The following ARF3 variants were observed in gnomAD, a reference collection of about 807,000 sequenced individuals.
ARF3 encodes ARF GTPase 3, also known as ADP-ribosylation factor 3.
In ARF3, 5 loss-of-function variants were observed where a neutral mutation model predicts 19.3. The ratio of observed to expected loss-of-function variants is 0.26; its 90% CI spans 0.14 to 0.54. ARF3 has a LOEUF of 0.54. Among genes scored for constraint, ARF3 ranks in the 20% least tolerant of loss-of-function variants. The pLI is 0.95. For synonymous variants in ARF3, 71 were observed against 89.2 expected (o/e 0.80, Z 1.15); for missense variants, 77 against 234.2 (o/e 0.33, Z 4.38).
At position 48,946,345 on chromosome 12, in the gene ARF3, A is replaced by C. The variant is rs184325170; in HGVS notation, c.-93-5157T>G. Among the ~76,000 whole-genome samples, 421 of 152,314 alleles carry C rather than the reference A, an allele frequency of 2.8e-3. 3 individuals carry two copies. Among genetic ancestry groups the C allele is most frequent in the African/African-American group, 9.4e-3 (392 of 41,578 alleles). ...TAGGAAGCAGAATGGCAAAGCAAAC[A>C]AACCATGAATTGTTTCTCCATGTAT... On this transcript the variant is annotated intron_variant, in intron 1 of 4. Transcript: ENST00000256682.
chr12:48,942,844 C>T (rs1592240031), intron 1 of ARF3, among the ~76,000 whole-genome samples: 2 of 152,150 alleles, frequency 1.3e-5, no homozygotes, highest in African/African-American at 2.4e-5. Flanking sequence ...CAGTGGCTCA[C>T]GCCTGTAATC....
rs758240014 is a variant in ARF3 at position 48,939,082 on chromosome 12, A to C, written c.411T>G (p.Ala137=). ...KQDLPNAMNA[A]EITDKLGLHS... ...GCAGGCCCAGCTTGTCTGTGATCTCAGCAGCGTTCATAGCATTAGGCAGAT... is the reference window on the plus strand; with the variant it reads ...GCAGGCCCAGCTTGTCTGTGATCTCCGCAGCGTTCATAGCATTAGGCAGAT... Residue 137 remains alanine, a synonymous_variant, in exon 5 of 5, where the codon GCT becomes GCG. Coordinates refer to ENST00000256682, the MANE Select transcript of ARF3 (RefSeq NM_001659.3). This position sits in a 1 kb window ranked among gnomAD's most constrained non-coding sequence, Gnocchi z 4.8. 2 of 1,614,160 alleles carry C rather than the reference A, an allele frequency of 1.2e-6. No homozygotes were observed. The highest frequency in any genetic ancestry group is 2.2e-5 in the East Asian group (1 of 44,890).
chr12:48,953,204 G>C (rs1300396994), intron 1 of ARF3: 1 of 152,082 alleles, frequency 6.6e-6, no homozygotes, highest in Admixed American at 6.6e-5. Context: ...TTCTATAGGT[G>C]GTCTCTGATC....
chr12:48,948,493 C>G (rs1940400839), intron 1 of ARF3, among the ~76,000 whole-genome samples: 1 of 151,950 alleles, frequency 6.6e-6, no homozygotes, highest in Non-Finnish European at 1.5e-5. Context: ...TGACTTCAAA[C>G]GATCCTCCAG....
In ARF3 at chr12:48,939,959, G is replaced by T; in HGVS notation, c.259+38C>A. 1 of 1,599,726 alleles carries T rather than the reference G, an allele frequency of 6.3e-7. No homozygotes were observed. Among genetic ancestry groups the T allele is most frequent in the Non-Finnish European group, 8.6e-7 (1 of 1,167,008 alleles). ...ATTAACAAAGACAGCCACACTCTCTGCTCATACCCAACCAACCCACGCTAG... is the reference window on the plus strand; with the variant it reads ...ATTAACAAAGACAGCCACACTCTCTTCTCATACCCAACCAACCCACGCTAG... On this transcript the variant is annotated intron_variant, in intron 3 of 4. Coordinates refer to ENST00000256682, the MANE Select transcript of ARF3 (RefSeq NM_001659.3). The surrounding 1 kb of genome is among the most constrained non-coding windows in gnomAD (Gnocchi z 4.8).
At chr12:48,955,289 C>T (rs1420749456) in intron 1 of ARF3, among the ~76,000 whole-genome samples, 1 of 152,212 alleles carries the variant, frequency 6.6e-6, no homozygotes, top group East Asian at 1.9e-4. Context: ...GGTACCAATT[C>T]TGTACCTGAC....
intron 1 of ARF3, among the ~76,000 whole-genome samples, chr12:48,951,501 T>C (rs1346283853): frequency 6.6e-6 from 1 of 151,902 alleles, no homozygotes; most frequent in East Asian, 1.9e-4. Flanking sequence ...GGACGAAGGT[T>C]GCAGCGAGCT....
At chr12:48,950,459 T>C (rs1379981090) in intron 1 of ARF3, among the ~76,000 whole-genome samples, 1 of 152,188 alleles carries the variant, frequency 6.6e-6, no homozygotes, top group Non-Finnish European at 1.5e-5. Flanking sequence ...AGTTCTGGGA[T>C]TACAGGCATG....
intron 2 of ARF3, 75 bp downstream of exon 2, chr12:48,940,873 T>C (rs1940244102): frequency 1.4e-6 from 2 of 1,472,348 alleles, no homozygotes; most frequent in South Asian, 2.8e-5. Flanking sequence ...AGAGGCCAGG[T>C]TGGGGAACCA....
In ARF3 at chr12:48,939,540, C is replaced by T. The variant is rs1338547487; in HGVS notation, c.384+115G>A. 2.2e-5 allele frequency: 31 copies of T among 1,434,456 alleles called. No individual in the cohort carries two copies. The highest frequency in any genetic ancestry group is 1.6e-4 in the Admixed American group (8 of 51,192). 88.9% of individuals were successfully genotyped at this position (1,434,456 alleles called of 1,614,324 possible). A position where few individuals can be genotyped will look rare whatever the true frequency, so the allele number is the denominator to read the frequency against. On this transcript the variant is annotated intron_variant, in intron 4 of 4. Coordinates refer to ENST00000256682, the MANE Select transcript of ARF3 (RefSeq NM_001659.3). This position sits in a 1 kb window ranked among gnomAD's most constrained non-coding sequence, Gnocchi z 4.8. Reference sequence around the variant, plus strand: ...AAGAAGCCAAGTGCTCAGTTTCCCACGCTTCTAACATTGAGAGCATACTAA... The same window carrying T: ...AAGAAGCCAAGTGCTCAGTTTCCCATGCTTCTAACATTGAGAGCATACTAA...
At chr12:48,947,610 T>C (rs1448131990) in intron 1 of ARF3, among the ~76,000 whole-genome samples, 1 of 152,116 alleles carries the variant, frequency 6.6e-6, no homozygotes, top group African/African-American at 2.4e-5. Flanking sequence ...CTGGCCTCAT[T>C]CATCAAACAT....
At chr12:48,947,933 C>T (rs1940387931) in intron 1 of ARF3, among the ~76,000 whole-genome samples, 1 of 150,054 alleles carries the variant, frequency 6.7e-6, no homozygotes, top group Non-Finnish European at 1.5e-5. Flanking sequence ...GAGCCAGGCA[C>T]AGCAGGACAC....
chr12:48,943,071 C>T (rs978275656), intron 1 of ARF3, among the ~76,000 whole-genome samples: 3 of 152,148 alleles, frequency 2.0e-5, no homozygotes, highest in Admixed American at 6.5e-5. Flanking sequence ...CACGCCACTG[C>T]GCTCCAGCCT....
chr12:48,938,535 G>T lies in ARF3; in HGVS notation c.*412C>A. On this transcript the variant is annotated 3_prime_UTR_variant, in exon 5 of 5. Coordinates refer to ENST00000256682, the MANE Select transcript of ARF3 (RefSeq NM_001659.3). The stretch of plus-strand genomic sequence containing the variant: ...GTGCAATTTCCATGTAAAACAGGGA[G>T]AGGGTGGCAAAGGAAAGGCAAACAG... 6.6e-6 allele frequency: 3 copies of T among 455,344 alleles called. No homozygotes were observed. The highest frequency in any genetic ancestry group is 4.7e-5 in the South Asian group (3 of 64,252). 28.2% of individuals were successfully genotyped at this position (455,344 alleles called of 1,614,324 possible).
chr12:48,954,774 C>G (rs554942053), intron 1 of ARF3, among the ~76,000 whole-genome samples: 2 of 152,210 alleles, frequency 1.3e-5, no homozygotes, highest in African/African-American at 4.8e-5. Context: ...AATCTCAGCA[C>G]TTTGGGAGGC....
Position 48,939,640 on chromosome 12 carries a change from G to A in ARF3, c.384+15C>T. The A allele has an allele frequency of 1.9e-6, 3 of 1,614,046 alleles. No individual in the cohort carries two copies. Among genetic ancestry groups the A allele is most frequent in the Non-Finnish European group, 2.5e-6 (3 of 1,179,946 alleles). On this transcript the variant is annotated intron_variant, in intron 4 of 4. Coordinates refer to ENST00000256682, the MANE Select transcript of ARF3 (RefSeq NM_001659.3). The surrounding 1 kb of genome is among the most constrained non-coding windows in gnomAD (Gnocchi z 4.8). ...TTTGCTGTCTCCCAAATTCAGGGGT[G>A]GGAAGAAGTCTCACCTGTTTGTTTG...
chr12:48,952,460 G>A (rs996099765), intron 1 of ARF3, among the ~76,000 whole-genome samples: 7 of 152,164 alleles, frequency 4.6e-5, no homozygotes, highest in African/African-American at 1.7e-4. Flanking sequence ...CTTAGAATCT[G>A]ACCAGCTTAC....
chr12:48,951,577 T>A (rs1003497767), intron 1 of ARF3, among the ~76,000 whole-genome samples: 15 of 147,108 alleles, frequency 1.0e-4, no homozygotes, highest in East Asian at 4.0e-4. Context: ...AATAAATAAA[T>A]AAATAAATAA....
rs200366000 is a variant in ARF3 at position 48,939,954 on chromosome 12, T to A, written c.259+43A>T. Reference sequence around the variant, plus strand: ...CACCCATTAACAAAGACAGCCACACTCTCTGCTCATACCCAACCAACCCAC... The same window carrying A: ...CACCCATTAACAAAGACAGCCACACACTCTGCTCATACCCAACCAACCCAC... On this transcript the variant is annotated intron_variant, in intron 3 of 4. Transcript: ENST00000256682. This position sits in a 1 kb window ranked among gnomAD's most constrained non-coding sequence, Gnocchi z 4.8. 5.6e-6 allele frequency: 9 copies of A among 1,596,678 alleles called. No individual in the cohort carries two copies. The East Asian group carries it at 2.0e-4, about 36-fold the overall frequency.
Sources: gnomAD v4.1 joint callset for allele counts (sites outside exome capture counted in the v4.1 genomes callset) on GRCh38, gnomAD v4.1.1 for gene constraint, Gnocchi (gnomAD v3.1) non-coding constraint, MANE v1.5 for transcripts, NCBI Gene and HGNC (gene_info 2026-07-23, HGNC 2026-07-21) for gene names.